Variants in R3HCC1L observed in about 807,000 individuals in gnomAD.
R3HCC1L encodes R3H domain and coiled-coil containing 1 like.
A neutral mutation model predicts 59.9 loss-of-function variants in R3HCC1L; 51 were observed. The observed-to-expected ratio is 0.85, with a 90% confidence interval of 0.68 to 1.07. The LOEUF is 1.07. Ranked by LOEUF, R3HCC1L falls within the 50% of genes least tolerant of loss-of-function variation. The pLI, the probability that R3HCC1L is intolerant of heterozygous loss-of-function variation, is 0.00. For missense variants in R3HCC1L, 965 were observed against 933.0 expected (o/e 1.03, Z -0.45); for synonymous variants, 322 against 315.2 (o/e 1.02, Z -0.23).
intron 9 of R3HCC1L, among the ~76,000 whole-genome samples, chr10:98,242,560 GA>G (rs756151064): frequency 1.3e-5 from 2 of 152,158 alleles, no homozygotes; most frequent in Non-Finnish European, 1.5e-5. Flanking sequence ...AAGCTTTAAA[GA>G]AAGCAATAAC....
intron 4 of R3HCC1L, among the ~76,000 whole-genome samples, chr10:98,177,790 A>G (rs1849191734): frequency 6.6e-6 from 1 of 152,166 alleles, no homozygotes; most frequent in Admixed American, 6.5e-5. Context: ...AGTGATGATG[A>G]GCATTTTTTC....
chr10:98,174,612 G>A (rs909462251), intron 4 of R3HCC1L: 2 of 985,162 alleles, frequency 2.0e-6, no homozygotes, highest in Non-Finnish European at 2.4e-6. Context: ...TCATTTAGGA[G>A]GGCGTTAGAC....
chr10:98,145,620 C>A (rs1166626883), intron 1 of R3HCC1L, among the ~76,000 whole-genome samples: 1 of 152,144 alleles, frequency 6.6e-6, no homozygotes, highest in Non-Finnish European at 1.5e-5. Context: ...TGGAATTTGT[C>A]TTTTGAAACT....
Position 98,208,865 on chromosome 10 carries a change from C to T in R3HCC1L, c.751C>T (p.Gln251Ter). 1 of 1,614,138 alleles carries T rather than the reference C, an allele frequency of 6.2e-7. No homozygotes were observed. The highest frequency in any genetic ancestry group is 8.5e-7 in the Non-Finnish European group (1 of 1,179,998). The change falls in exon 5 of 10, where the codon CAA (glutamine) becomes TAA (stop). Residue 251 changes from glutamine to a stop codon, truncating the protein, a stop_gained. Coordinates refer to ENST00000298999, the MANE Select transcript of R3HCC1L (RefSeq NM_001351015.2). LOFTEE classifies it high-confidence loss of function. ...SDSEIVQQSM[Q>*]TSDGILNPSS... ...TTCTGAAATTGTACAACAAAGCATG[C>T]AAACATCAGATGGAATATTGAATCC...
intron 1 of R3HCC1L, among the ~76,000 whole-genome samples, chr10:98,144,089 T>G (rs11189492): frequency 0.68 from 103,187 of 152,050 alleles, 35,181 homozygotes; most frequent in African/African-American, 0.76. Context: ...AGAAGATTGC[T>G]TGAGCTCAGG....
intron 2 of R3HCC1L, among the ~76,000 whole-genome samples, chr10:98,162,197 C>A (rs933586479): frequency 2.6e-5 from 4 of 151,738 alleles, no homozygotes; most frequent in Non-Finnish European, 4.4e-5. Context: ...ATTTATTTAA[C>A]CTGGCTGATA....
rs1247247884 is a variant in R3HCC1L, at chr10:98,244,455, G to A, written c.*297G>A. ...GGACAGGGCAAGTCATGTTAGCGTGGGTCACACTTCCAAGATATTTAAAGC... is the reference window on the plus strand; with the variant it reads ...GGACAGGGCAAGTCATGTTAGCGTGAGTCACACTTCCAAGATATTTAAAGC... On this transcript the variant is annotated 3_prime_UTR_variant, in exon 10 of 10. Transcript: ENST00000298999. 7.3e-6 allele frequency: 2 copies of A among 275,788 alleles called. No homozygotes were observed. The highest frequency in any genetic ancestry group is 1.4e-5 in the Non-Finnish European group (2 of 142,038). 17.1% of individuals were successfully genotyped at this position (275,788 alleles called of 1,614,324 possible). A position where few individuals can be genotyped will look rare whatever the true frequency, so the allele number is the denominator to read the frequency against.
intron 1 of R3HCC1L, among the ~76,000 whole-genome samples, chr10:98,143,852 G>A (rs1845405165): frequency 6.6e-6 from 1 of 152,072 alleles, no homozygotes; most frequent in Non-Finnish European, 1.5e-5. Flanking sequence ...ATTCATTATA[G>A]AGGATTTGGA....
Position 98,223,638 on chromosome 10 carries a change from G to A in R3HCC1L, c.1786-7874G>A, listed in dbSNP as rs553995831. Among the ~76,000 whole-genome samples, 4 of 152,168 alleles carry A rather than the reference G, an allele frequency of 2.6e-5. No individual in the cohort carries two copies. In the South Asian group the frequency reaches 8.3e-4, roughly 32 times the overall value. Reference sequence around the variant, plus strand: ...TAGTTTCTGTATGATATCTTGGGCTGTAATCAGTTATTTGTGTCTGTGAGT... The same window carrying A: ...TAGTTTCTGTATGATATCTTGGGCTATAATCAGTTATTTGTGTCTGTGAGT... On this transcript the variant is annotated intron_variant, in intron 5 of 9. Coordinates refer to ENST00000298999, the MANE Select transcript of R3HCC1L (RefSeq NM_001351015.2).
intron 1 of R3HCC1L, among the ~76,000 whole-genome samples, chr10:98,153,347 C>T (rs1486955457): frequency 3.9e-5 from 6 of 152,228 alleles, no homozygotes; most frequent in Admixed American, 3.3e-4. Flanking sequence ...GTGCTGTGTC[C>T]ACTCAGGGTT....
chr10:98,227,885 A>G (rs1214437913), intron 5 of R3HCC1L, among the ~76,000 whole-genome samples: 1 of 152,014 alleles, frequency 6.6e-6, no homozygotes, highest in Non-Finnish European at 1.5e-5. Context: ...TCCAGCTTCA[A>G]CCATGTCCCT....
intron 8 of R3HCC1L, 46 bp from the exon 9 acceptor site, chr10:98,235,978 T>G: frequency 1.1e-5 from 18 of 1,569,194 alleles, no homozygotes; most frequent in Non-Finnish European, 1.6e-5. Flanking sequence ...GCTAGAGTGC[T>G]CTCTCTTCTT....
rs201839212 is a variant in R3HCC1L at position 98,236,048 on chromosome 10, G to A, written c.2153G>A (p.Arg718His). ...YAEFLQPAKE[R>H]PETSAALARR... ...GAGTTCCTCCAGCCAGCAAAGGAGC[G>A]TCCTGAGACTTCAGCAGCCCTAGCC... The change falls in exon 9 of 10, where the codon CGT becomes CAT. Residue 718 changes from arginine to histidine, a missense_variant. Arg to His is a conservative substitution (Grantham distance 29). Coordinates refer to ENST00000298999, the MANE Select transcript of R3HCC1L (RefSeq NM_001351015.2). 1.6e-4 allele frequency: 266 copies of A among 1,613,826 alleles called. 4 individuals are homozygous for A. The East Asian group carries it at 3.5e-3, about 21-fold the overall frequency.
intron 1 of R3HCC1L, among the ~76,000 whole-genome samples, chr10:98,148,986 A>T (rs1021149348): frequency 2.0e-4 from 31 of 152,188 alleles, no homozygotes; most frequent in Non-Finnish European, 4.4e-4. Flanking sequence ...CAGTGAAGCC[A>T]TCAGGTCCTG....
intron 1 of R3HCC1L, among the ~76,000 whole-genome samples, chr10:98,151,313 T>C (rs975578940): frequency 7.2e-5 from 11 of 152,198 alleles, no homozygotes; most frequent in Non-Finnish European, 8.8e-5. Flanking sequence ...ATCTCTTTAG[T>C]GCATTGTGTC....
intron 8 of R3HCC1L, 90 bp downstream of exon 8, chr10:98,235,610 A>G (rs1856845709): frequency 4.3e-6 from 4 of 933,556 alleles, no homozygotes; most frequent in African/African-American, 3.4e-5. Flanking sequence ...ATCTAAAGAC[A>G]TATCACTTTT....
chr10:98,148,258 C>G (rs1845844672), intron 1 of R3HCC1L, among the ~76,000 whole-genome samples: 1 of 152,056 alleles, frequency 6.6e-6, no homozygotes. Flanking sequence ...TACAACTTTA[C>G]TGAATTTATC....
chr10:98,164,756 G>A (rs2134232522), intron 4 of R3HCC1L, among the ~76,000 whole-genome samples: 1 of 152,318 alleles, frequency 6.6e-6, no homozygotes, highest in Middle Eastern at 3.4e-3. Flanking sequence ...GGACAGCAGA[G>A]TGAGGTGGTT....
rs111667315 is a variant in R3HCC1L at position 98,203,248 on chromosome 10, G to A, written c.-14-4853G>A. Among the ~76,000 whole-genome samples, 1,488 of 152,270 alleles carry A rather than the reference G, an allele frequency of 9.8e-3. 32 individuals are homozygous for A. Among genetic ancestry groups the A allele is most frequent in the African/African-American group, 0.033 (1,391 of 41,534 alleles). On this transcript the variant is annotated intron_variant, in intron 4 of 9. Transcript: ENST00000298999. ...AATATTCAGGAAAAAAACTGCATGT[G>A]TGTGTATGTGTATGTAAAGAGAGGA...
Sources: gnomAD v4.1 joint callset for allele counts (sites outside exome capture counted in the v4.1 genomes callset) on GRCh38, gnomAD v4.1.1 for gene constraint, MANE v1.5 for transcripts, NCBI Gene and HGNC (gene_info 2026-07-23, HGNC 2026-07-21) for gene names.